Variants in TENM2 observed in about 807,000 individuals in gnomAD.
TENM2 encodes the protein teneurin-2.
TENM2 carries 52 observed loss-of-function variants against 245.2 expected under a neutral mutation model. That is an observed-to-expected ratio of 0.21 (90% CI 0.17 to 0.27). The LOEUF (loss-of-function observed/expected upper bound fraction) is 0.27, where lower values mean the gene tolerates loss of function less well. TENM2 is among the 10% of genes least tolerant of loss of function. TENM2 has a pLI of 1.00. For synonymous variants in TENM2, 1,363 were observed against 1,438.9 expected, an observed-to-expected ratio of 0.95 and a Z score of 1.19; for missense variants, 3,046 against 3,666.8, an observed-to-expected ratio of 0.83 and a Z score of 4.37.
At chr5:167,807,629 A>ATTTTT (rs1561803885) in intron 2 of TENM2, among the ~76,000 whole-genome samples, 6 of 16,418 alleles carry the variant, frequency 3.7e-4, no homozygotes, top group Non-Finnish European at 9.7e-4. Flanking sequence ...TTTTTTAAAA[A>ATTTTT]AAAAAAAAAA....
rs182274191 is a variant in TENM2, at chr5:168,081,790, C to T, written c.1516-8784C>T. Among the ~76,000 whole-genome samples the T allele has an allele frequency of 9.3e-3, 1,420 of 152,162 alleles. 7 individuals carry two copies. The highest frequency in any genetic ancestry group is 0.013 in the African/African-American group (534 of 41,468). On this transcript the variant is annotated intron_variant, in intron 7 of 28. Coordinates refer to ENST00000518659, the Ensembl canonical transcript of TENM2. The stretch of plus-strand genomic sequence containing the variant: ...CTCTTCTGGCTTGTAGAGTTTCTGC[C>T]GAGAGATCCACTGTTAGTCTGATGG...
intron 2 of TENM2, among the ~76,000 whole-genome samples, chr5:167,610,648 G>C (rs1468894413): frequency 6.6e-6 from 1 of 152,188 alleles, no homozygotes; most frequent in Non-Finnish European, 1.5e-5. Flanking sequence ...TAATAAGCTA[G>C]AGTGATAAGC....
intron 2 of TENM2, among the ~76,000 whole-genome samples, chr5:167,703,389 G>A (rs1424395612): frequency 2.6e-5 from 4 of 151,984 alleles, no homozygotes; most frequent in Admixed American, 6.6e-5. Context: ...AAAATTAGCC[G>A]AGCATGGTGG....
chr5:167,756,528 T>C (rs1229446783), intron 2 of TENM2, among the ~76,000 whole-genome samples: 1 of 152,140 alleles, frequency 6.6e-6, no homozygotes, highest in Non-Finnish European at 1.5e-5. Context: ...TTCATTTACC[T>C]CAATCTGAGT....
intron 2 of TENM2, among the ~76,000 whole-genome samples, chr5:167,870,670 T>C (rs1298062221): frequency 6.7e-6 from 1 of 148,348 alleles, no homozygotes; most frequent in Admixed American, 6.8e-5. Flanking sequence ...ACTAGAATAC[T>C]TAGTACTTAG....
At position 168,165,648 on chromosome 5, in the gene TENM2, A is replaced by ACCCCCCCCCCCC. The variant is rs34203413; in HGVS notation, c.2569+2896_2569+2907dup. On this transcript the variant is annotated intron_variant, in intron 13 of 28. Transcript: ENST00000518659. ...GGCACAATTCAGGATCCCCCCCCCA[A>ACCCCCCCCCCCC]CCCCCCCCCCCCCCCCGGCTGGCAG... 1.0e-3 allele frequency among the ~76,000 whole-genome samples: 31 copies of ACCCCCCCCCCCC among 30,948 alleles called. 2 individuals are homozygous for ACCCCCCCCCCCC. Among genetic ancestry groups the ACCCCCCCCCCCC allele is most frequent in the Admixed American group, 2.4e-3 (4 of 1,700 alleles). 20.3% of individuals were successfully genotyped at this position (30,948 alleles called of 152,430 possible).
chr5:168,067,578 C>G (rs1209985883), intron 7 of TENM2, among the ~76,000 whole-genome samples: 1 of 152,204 alleles, frequency 6.6e-6, no homozygotes, highest in Non-Finnish European at 1.5e-5. Flanking sequence ...CTTTTCATTT[C>G]AGATCCTCAT....
the TENM2 span, among the ~76,000 whole-genome samples, chr5:167,113,661 G>A: frequency 6.7e-6 from 1 of 149,610 alleles, no homozygotes; most frequent in African/African-American, 2.5e-5. Context: ...AAAAAAAAAT[G>A]TTAAATACAT....
At chr5:167,395,419 T>C (rs566416751) in intron 2 of TENM2, among the ~76,000 whole-genome samples, 1 of 152,316 alleles carries the variant, frequency 6.6e-6, no homozygotes, top group South Asian at 2.1e-4. Flanking sequence ...TAGGGTTTTC[T>C]GCATATAAGA....
intron 2 of TENM2, among the ~76,000 whole-genome samples, chr5:167,416,527 A>G (rs1291186694): frequency 1.3e-5 from 2 of 152,210 alleles, no homozygotes; most frequent in Non-Finnish European, 2.9e-5. Context: ...ACGGACTGTC[A>G]GGTGCCTCTA....
At chr5:167,047,127 A>G in the TENM2 span, among the ~76,000 whole-genome samples, 1 of 152,354 alleles carries the variant, frequency 6.6e-6, no homozygotes, top group Non-Finnish European at 1.5e-5. Flanking sequence ...TGTATGCTTT[A>G]TTACCACTTG....
the TENM2 span, among the ~76,000 whole-genome samples, chr5:167,155,261 GA>G: frequency 2.4e-4 from 37 of 152,320 alleles, no homozygotes; most frequent in Non-Finnish European, 1.5e-5. Context: ...TTATGGAGCA[GA>G]ATTTTCCAAG....
intron 2 of TENM2, among the ~76,000 whole-genome samples, chr5:167,399,901 T>G (rs959882939): frequency 2.0e-5 from 3 of 151,648 alleles, no homozygotes; most frequent in Non-Finnish European, 4.4e-5. Context: ...AGATCACATC[T>G]TAAGCTGAGA....
the TENM2 span, among the ~76,000 whole-genome samples, chr5:167,227,374 T>C: frequency 6.6e-6 from 1 of 152,202 alleles, no homozygotes; most frequent in Admixed American, 6.5e-5. Flanking sequence ...CTTTTGTGTG[T>C]TTTCATGATT....
At chr5:167,191,624 G>A in the TENM2 span, among the ~76,000 whole-genome samples, 3 of 152,144 alleles carry the variant, frequency 2.0e-5, no homozygotes, top group South Asian at 2.1e-4. Context: ...ACTGAGGAAA[G>A]GAGTGTAGGT....
At chr5:167,290,406 C>T (rs1448032435) in intron 1 of TENM2, among the ~76,000 whole-genome samples, 2 of 152,142 alleles carry the variant, frequency 1.3e-5, no homozygotes, top group African/African-American at 4.8e-5. Context: ...CATTATCTTT[C>T]TTTTAATAAG....
chr5:167,750,745 T>C (rs1442340058), intron 2 of TENM2, among the ~76,000 whole-genome samples: 1 of 152,164 alleles, frequency 6.6e-6, no homozygotes, highest in Non-Finnish European at 1.5e-5. Context: ...TGTGGGTAGC[T>C]GATTCAGCAT....
chr5:167,928,552 A>G (rs1292551922), intron 3 of TENM2, among the ~76,000 whole-genome samples: 1 of 152,170 alleles, frequency 6.6e-6, no homozygotes, highest in Non-Finnish European at 1.5e-5. Context: ...GGAGGGCGAT[A>G]TGCTTATATC....
intron 12 of TENM2, among the ~76,000 whole-genome samples, chr5:168,127,667 C>G (rs185799430): frequency 4.6e-5 from 7 of 152,266 alleles, no homozygotes; most frequent in Admixed American, 4.6e-4. Context: ...CTAATCATCC[C>G]TTTGGTAGAG....
Sources: allele counts gnomAD v4.1 joint callset (sites outside exome capture counted in the v4.1 genomes callset), GRCh38; gene constraint gnomAD v4.1.1; transcripts MANE v1.5; gene names NCBI Gene and HGNC (gene_info 2026-07-23, HGNC 2026-07-21).